Variants in PPHLN1 observed in about 807,000 individuals in gnomAD.
PPHLN1 encodes periphilin 1.
A neutral mutation model predicts 51.3 loss-of-function variants in PPHLN1; 29 were observed. The ratio of observed to expected loss-of-function variants is 0.57; its 90% confidence interval spans 0.42 to 0.77. The LOEUF (loss-of-function observed/expected upper bound fraction) is 0.77, where lower values mean the gene tolerates loss of function less well. PPHLN1 is among the 30% of genes least tolerant of loss of function. PPHLN1 has a pLI of 0.00. For missense variants in PPHLN1, 436 were observed against 438.4 expected, an observed-to-expected ratio of 0.99 and a Z score of 0.05; for synonymous variants, 147 against 147.8, an observed-to-expected ratio of 0.99 and a Z score of 0.04.
In PPHLN1 at chr12:42,441,546, T is replaced by G; in HGVS notation, c.*37T>G. ...CAGGCTAAAAAAAAAAAAAAACAGT[T>G]TCTAAAAATTTTTTTTCCTGGATTG... On this transcript the variant is annotated 3_prime_UTR_variant, in exon 10 of 10. Coordinates refer to ENST00000358314, the MANE Select transcript of PPHLN1 (RefSeq NM_201439.2). 6.7e-7 allele frequency: 1 copy of G among 1,490,344 alleles called. No homozygotes were observed. The allele number at this position is 1,490,344 out of a possible 1,614,324, so 92.3% of individuals were successfully genotyped here.
intron 9 of PPHLN1, among the ~76,000 whole-genome samples, chr12:42,428,866 A>G (rs1450014793): frequency 1.4e-5 from 2 of 145,614 alleles, no homozygotes; most frequent in South Asian, 2.2e-4. Context: ...AGTGACAGAT[A>G]TCGTTTAGGG....
chr12:42,433,682 AGC>A (rs1252344842), intron 9 of PPHLN1, among the ~76,000 whole-genome samples: 1 of 152,226 alleles, frequency 6.6e-6, no homozygotes, highest in African/African-American at 2.4e-5. Flanking sequence ...ATAATAAGAC[AGC>A]ATATATTTAC....
chr12:42,390,746 G>A (rs762310155), intron 7 of PPHLN1, among the ~76,000 whole-genome samples: 1 of 148,522 alleles, frequency 6.7e-6, no homozygotes, highest in African/African-American at 2.5e-5. Context: ...CAATTCTAAC[G>A]TGGCCCAGGG....
At chr12:42,340,287 GC>G (rs1437353731) in intron 2 of PPHLN1, among the ~76,000 whole-genome samples, 1 of 146,644 alleles carries the variant, frequency 6.8e-6, no homozygotes, top group East Asian at 2.0e-4. Context: ...TGAAGCCTGG[GC>G]AACAGAGGGA....
Position 42,393,686 on chromosome 12 carries a change from T to C in PPHLN1, c.765T>C (p.Tyr255=), listed in dbSNP as rs1326299939. The change falls in exon 8 of 10, where the codon TAT becomes TAC. Residue 255 remains tyrosine, a synonymous_variant. Transcript: ENST00000358314. ...DESNLPEISE[Y]EAGSTAPLFT... is the part of the protein sequence containing the mutation. ...GTAACTTGCCTGAAATTTCTGAGTATGAGGTAAGGCATAATGTCTCCTTTA... is the reference window on the plus strand; with the variant it reads ...GTAACTTGCCTGAAATTTCTGAGTACGAGGTAAGGCATAATGTCTCCTTTA... 4.4e-6 allele frequency: 7 copies of C among 1,604,868 alleles called. No individual in the cohort carries two copies. The highest frequency in any genetic ancestry group is 2.2e-5 in the South Asian group (2 of 89,094).
At chr12:42,384,208 T>C (rs2138996287) in intron 5 of PPHLN1, among the ~76,000 whole-genome samples, 1 of 151,702 alleles carries the variant, frequency 6.6e-6, no homozygotes. Flanking sequence ...AAGATGCTGA[T>C]AGTGCCAAAA....
At chr12:42,439,352 T>C (rs1331842750) in intron 9 of PPHLN1, among the ~76,000 whole-genome samples, 1 of 152,252 alleles carries the variant, frequency 6.6e-6, no homozygotes, top group Non-Finnish European at 1.5e-5. Context: ...CTTTTCTCCA[T>C]TGAATTACTT....
In PPHLN1 at chr12:42,374,853, T is replaced by G. The variant is rs1565867261; in HGVS notation, c.300-10T>G. On this transcript the variant is annotated splice_polypyrimidine_tract_variant and intron_variant, in intron 4 of 9. Coordinates refer to ENST00000358314, the MANE Select transcript of PPHLN1 (RefSeq NM_201439.2). ...AATTAACTTATTTTATGTTTTTTTTTTTTTCAAAGGGACATGAGAGATGGC... is the reference window on the plus strand; with the variant it reads ...AATTAACTTATTTTATGTTTTTTTTGTTTTCAAAGGGACATGAGAGATGGC... 1.3e-6 allele frequency: 2 copies of G among 1,576,092 alleles called. No homozygotes were observed. The highest frequency in any genetic ancestry group is 1.7e-6 in the Non-Finnish European group (2 of 1,164,186).
intron 9 of PPHLN1, chr12:42,432,169 C>T (rs1270921768): frequency 3.4e-6 from 3 of 878,126 alleles, no homozygotes; most frequent in African/African-American, 3.3e-5. Context: ...TCTTCAATGA[C>T]CAATCACTCA....
intron 9 of PPHLN1, among the ~76,000 whole-genome samples, chr12:42,423,998 A>G (rs2081219406): frequency 6.6e-6 from 1 of 152,192 alleles, no homozygotes; most frequent in Non-Finnish European, 1.5e-5. Context: ...ATTATAGCCT[A>G]TCTTTAATTA....
Position 42,365,812 on chromosome 12 carries a change from C to T in PPHLN1, c.300-9051C>T, listed in dbSNP as rs1404153625. 5.9e-5 allele frequency among the ~76,000 whole-genome samples: 9 copies of T among 152,236 alleles called. 1 individual carries two copies. The highest frequency in any genetic ancestry group is 5.8e-4 in the East Asian group (3 of 5,186). The stretch of plus-strand genomic sequence containing the variant: ...CTTTGATAATAAAAAGCATCAGTTT[C>T]GTCAGATGTGTTTTTTGGAGGCCTC... On this transcript the variant is annotated intron_variant, in intron 4 of 9. Coordinates refer to ENST00000358314, the MANE Select transcript of PPHLN1 (RefSeq NM_201439.2).
At chr12:42,402,392 T>C (rs76902991) in intron 9 of PPHLN1, among the ~76,000 whole-genome samples, 2,357 of 152,304 alleles carry the variant, frequency 0.015, 36 homozygotes, top group Middle Eastern at 0.041. Context: ...ATTCAGACTT[T>C]ATTTTGTTGA....
chr12:42,358,906 T>C (rs1320681151), intron 4 of PPHLN1, among the ~76,000 whole-genome samples: 1 of 152,250 alleles, frequency 6.6e-6, no homozygotes, highest in Non-Finnish European at 1.5e-5. Context: ...ATATGTATTT[T>C]AAATATTAAT....
At chr12:42,420,850 A>T (rs1469348048) in intron 9 of PPHLN1, among the ~76,000 whole-genome samples, 1 of 151,910 alleles carries the variant, frequency 6.6e-6, no homozygotes, top group East Asian at 1.9e-4. Flanking sequence ...AGCTTTCAGG[A>T]TACTGTGTTT....
intron 4 of PPHLN1, 151 bp downstream of exon 4, chr12:42,355,373 A>T (rs1210600072): frequency 4.9e-6 from 3 of 616,186 alleles, no homozygotes; most frequent in East Asian, 6.0e-5. Context: ...TTTTGTGACT[A>T]TGTAGTATAA....
chr12:42,427,059 G>T (rs1397625286), intron 9 of PPHLN1, among the ~76,000 whole-genome samples: 1 of 152,094 alleles, frequency 6.6e-6, no homozygotes, highest in Admixed American at 6.5e-5. Flanking sequence ...TTCGAGAACT[G>T]GCTGTTGCCA....
intron 9 of PPHLN1, among the ~76,000 whole-genome samples, chr12:42,415,978 G>A (rs1334048190): frequency 6.6e-6 from 1 of 152,152 alleles, no homozygotes; most frequent in Non-Finnish European, 1.5e-5. Context: ...GCCTTTCTGT[G>A]GAAGTGACAT....
intron 2 of PPHLN1, among the ~76,000 whole-genome samples, chr12:42,343,196 T>C (rs2071749277): frequency 6.6e-6 from 1 of 151,352 alleles, no homozygotes; most frequent in Non-Finnish European, 1.5e-5. Flanking sequence ...TGTTGAAATA[T>C]TTTTTCTTTC....
chr12:42,337,886 C>T (rs1251899892), intron 2 of PPHLN1, among the ~76,000 whole-genome samples: 3 of 151,746 alleles, frequency 2.0e-5, no homozygotes, highest in African/African-American at 7.3e-5. Context: ...TGGATTCAAG[C>T]GATTCTCCTG....
Sources: gnomAD v4.1 joint callset for allele counts (sites outside exome capture counted in the v4.1 genomes callset) on GRCh38, gnomAD v4.1.1 for gene constraint, MANE v1.5 for transcripts, NCBI Gene and HGNC (gene_info 2026-07-23, HGNC 2026-07-21) for gene names.